Variants in ST6GALNAC3 observed in about 807,000 individuals in gnomAD.
ST6GALNAC3 encodes alpha-N-acetylgalactosaminide alpha-2,6-sialyltransferase 3.
A neutral mutation model predicts 32.7 loss-of-function variants in ST6GALNAC3; 25 were observed. The observed-to-expected ratio is 0.76, with a 90% CI of 0.56 to 1.07. The LOEUF (loss-of-function observed/expected upper bound fraction) is 1.07. Ranked by LOEUF, ST6GALNAC3 falls within the 50% of genes least tolerant of loss-of-function variation. The pLI is 0.00. For missense variants in ST6GALNAC3, 355 were observed against 382.4 expected (o/e 0.93, Z 0.60); for synonymous variants, 129 against 133.1 (o/e 0.97, Z 0.21).
intron 2 of ST6GALNAC3, among the ~76,000 whole-genome samples, chr1:76,373,005 C>G (rs1650951631): frequency 6.6e-6 from 1 of 151,994 alleles, no homozygotes; most frequent in Admixed American, 6.6e-5. Flanking sequence ...CTATGTTGGC[C>G]AGGCTGGTCT....
intron 1 of ST6GALNAC3, among the ~76,000 whole-genome samples, chr1:76,250,302 G>A (rs1230899680): frequency 1.3e-5 from 2 of 152,192 alleles, no homozygotes; most frequent in African/African-American, 4.8e-5. Context: ...TGCTAGCAAA[G>A]AAGTGTTAAA....
At chr1:76,134,222 A>G (rs1403224530) in intron 1 of ST6GALNAC3, among the ~76,000 whole-genome samples, 1 of 152,096 alleles carries the variant, frequency 6.6e-6, no homozygotes, top group Non-Finnish European at 1.5e-5. Context: ...AGCATTATAC[A>G]CTGTATGTTT....
chr1:76,482,457 G>T (rs1032582897), intron 3 of ST6GALNAC3, among the ~76,000 whole-genome samples: 3 of 152,318 alleles, frequency 2.0e-5, no homozygotes, highest in Admixed American at 6.5e-5. Context: ...GAACAGAAAA[G>T]ATGGGAATGA....
At chr1:76,182,657 G>T (rs1371415793) in intron 1 of ST6GALNAC3, among the ~76,000 whole-genome samples, 1 of 152,094 alleles carries the variant, frequency 6.6e-6, no homozygotes, top group Non-Finnish European at 1.5e-5. Flanking sequence ...GGCTTAAAGG[G>T]ATAACTAGGC....
chr1:76,404,871 A>C (rs1167955664), intron 2 of ST6GALNAC3, among the ~76,000 whole-genome samples: 1 of 152,122 alleles, frequency 6.6e-6, no homozygotes, highest in Non-Finnish European at 1.5e-5. Flanking sequence ...TTGAAATGAA[A>C]GGAACCATTA....
chr1:76,220,431 C>T (rs2100602417), intron 1 of ST6GALNAC3, among the ~76,000 whole-genome samples: 1 of 152,222 alleles, frequency 6.6e-6, no homozygotes, highest in East Asian at 1.9e-4. Flanking sequence ...ATATTTCATG[C>T]CTGCATGCAT....
chr1:76,226,880 A>C (rs1656106163), intron 1 of ST6GALNAC3, among the ~76,000 whole-genome samples: 1 of 152,192 alleles, frequency 6.6e-6, no homozygotes, highest in Non-Finnish European at 1.5e-5. Context: ...CATGAGATTT[A>C]GGTGGGGACA....
Position 76,257,140 on chromosome 1 carries a change from G to A in ST6GALNAC3, c.19-56665G>A, listed in dbSNP as rs61402988. Among the ~76,000 whole-genome samples the A allele has an allele frequency of 6.6e-3, 1,011 of 152,200 alleles. 12 individuals are homozygous for A. Among genetic ancestry groups the A allele is most frequent in the African/African-American group, 0.023 (963 of 41,530 alleles). ...TTATAAAGAAGGCTTCAGAGCACAT[G>A]GTTTAATCCCCAAATTTCTAAGAAT... is the stretch of plus-strand genomic sequence containing the variant. On this transcript the variant is annotated intron_variant, in intron 1 of 4. Transcript: ENST00000328299.
chr1:76,434,497 G>T (rs1453977709), intron 3 of ST6GALNAC3, among the ~76,000 whole-genome samples: 2 of 152,114 alleles, frequency 1.3e-5, no homozygotes, highest in South Asian at 2.1e-4. Flanking sequence ...GCAACAAGAA[G>T]TAACATTGAA....
At chr1:76,079,295 A>G (rs1249511968) in intron 1 of ST6GALNAC3, among the ~76,000 whole-genome samples, 2 of 152,178 alleles carry the variant, frequency 1.3e-5, no homozygotes, top group Admixed American at 1.3e-4. Flanking sequence ...TTAAATTTGT[A>G]TTAGTCATTT....
intron 3 of ST6GALNAC3, among the ~76,000 whole-genome samples, chr1:76,435,251 CTA>C (rs1213634819): frequency 6.6e-6 from 1 of 151,862 alleles, no homozygotes; most frequent in Non-Finnish European, 1.5e-5. Flanking sequence ...AAAGAGGTGA[CTA>C]TGGAATCTAA....
At chr1:76,334,805 T>C (rs927812120) in intron 2 of ST6GALNAC3, among the ~76,000 whole-genome samples, 2 of 152,156 alleles carry the variant, frequency 1.3e-5, no homozygotes, top group African/African-American at 2.4e-5. Context: ...AAAACACCAA[T>C]TGATGGGCCC....
intron 1 of ST6GALNAC3, among the ~76,000 whole-genome samples, chr1:76,197,269 T>G (rs1654256831): frequency 6.6e-6 from 1 of 152,222 alleles, no homozygotes; most frequent in African/African-American, 2.4e-5. Context: ...ATGTTGATTT[T>G]AAATCCTACA....
intron 2 of ST6GALNAC3, among the ~76,000 whole-genome samples, chr1:76,344,161 G>C (rs1396532142): frequency 1.3e-5 from 2 of 152,212 alleles, no homozygotes; most frequent in African/African-American, 4.8e-5. Context: ...TAAAGGGTGA[G>C]TACCCAGGAA....
chr1:76,349,530 G>A (rs1648802416), intron 2 of ST6GALNAC3, among the ~76,000 whole-genome samples: 1 of 151,964 alleles, frequency 6.6e-6, no homozygotes, highest in Non-Finnish European at 1.5e-5. Context: ...TTGAATTTTT[G>A]TTTTCCCCCT....
intron 1 of ST6GALNAC3, among the ~76,000 whole-genome samples, chr1:76,161,894 G>A (rs1176637397): frequency 6.6e-6 from 1 of 152,176 alleles, no homozygotes; most frequent in Middle Eastern, 3.2e-3. Flanking sequence ...TTGCATTAGT[G>A]CTTCAGTCAA....
At chr1:76,191,897 G>A (rs12410961) in intron 1 of ST6GALNAC3, among the ~76,000 whole-genome samples, 1 of 152,106 alleles carries the variant, frequency 6.6e-6, no homozygotes, top group Admixed American at 6.6e-5. Flanking sequence ...TATTTTTACC[G>A]ATGATGGAGG....
intron 2 of ST6GALNAC3, among the ~76,000 whole-genome samples, chr1:76,366,418 C>G (rs1290475554): frequency 6.6e-6 from 1 of 152,110 alleles, no homozygotes; most frequent in Admixed American, 6.5e-5. Context: ...CTAGTCAATT[C>G]AAGTTGACTC....
At chr1:76,167,902 G>C (rs550457423) in intron 1 of ST6GALNAC3, among the ~76,000 whole-genome samples, 12 of 151,766 alleles carry the variant, frequency 7.9e-5, no homozygotes, top group Non-Finnish European at 1.6e-4. Flanking sequence ...TTTAGCTAGT[G>C]GTATGTCTGT....
Sources: allele counts gnomAD v4.1 joint callset (sites outside exome capture counted in the v4.1 genomes callset), GRCh38; gene constraint gnomAD v4.1.1; transcripts MANE v1.5; gene names NCBI Gene and HGNC (gene_info 2026-07-23, HGNC 2026-07-21).